ABCA10: variants seen among roughly 807,000 people sequenced by gnomAD.
The protein encoded by ABCA10 is ATP binding cassette subfamily A member 10.
In ABCA10, 169 loss-of-function variants were observed where a neutral mutation model predicts 187.5. The ratio of observed to expected loss-of-function variants is 0.90; its 90% CI spans 0.80 to 1.02. The LOEUF (loss-of-function observed/expected upper bound fraction) is 1.02. Ranked by LOEUF, ABCA10 falls within the 50% of genes least tolerant of loss-of-function variation. The pLI, the probability that ABCA10 is intolerant of heterozygous loss-of-function variation, is 0.00. For missense variants in ABCA10, 1,727 were observed against 1,812.4 expected (o/e 0.95, Z 0.86); for synonymous variants, 574 against 601.8 (o/e 0.95, Z 0.68).
chr17:69,154,199 A>C (rs752674370), intron 31 of ABCA10, 36 bp downstream of exon 31: 3 of 1,526,950 alleles, frequency 2.0e-6, no homozygotes, highest in Non-Finnish European at 2.7e-6. Flanking sequence ...GATGTCATCA[A>C]TATTTAAAAT....
At chr17:69,158,688 T>C (rs2074193065) in intron 27 of ABCA10, among the ~76,000 whole-genome samples, 1 of 152,068 alleles carries the variant, frequency 6.6e-6, no homozygotes, top group Non-Finnish European at 1.5e-5. Flanking sequence ...GGCACTTGAC[T>C]GCATTCTAAT....
intron 9 of ABCA10, among the ~76,000 whole-genome samples, chr17:69,213,246 C>G (rs1224187414): frequency 6.6e-6 from 1 of 152,132 alleles, no homozygotes; most frequent in Non-Finnish European, 1.5e-5. Flanking sequence ...GTTTCTCAGG[C>G]TATGGGTGGG....
intron 10 of ABCA10, among the ~76,000 whole-genome samples, chr17:69,198,181 T>C (rs768272804): frequency 2.0e-5 from 3 of 152,372 alleles, no homozygotes; most frequent in Non-Finnish European, 4.4e-5. Flanking sequence ...ATAAATCTAT[T>C]TGAATTTATC....
upstream of ABCA10, among the ~76,000 whole-genome samples, chr17:69,229,084 A>G (rs2074814257): frequency 6.6e-6 from 1 of 152,056 alleles, no homozygotes; most frequent in Non-Finnish European, 1.5e-5. Context: ...AGAAAGTTTC[A>G]TCTGAAAGTT....
At chr17:69,187,908 A>G in intron 18 of ABCA10, 29 bp from the exon 19 acceptor site, 2 of 1,593,488 alleles carry the variant, frequency 1.3e-6, no homozygotes, top group Non-Finnish European at 1.7e-6. Context: ...ACATTTTAAT[A>G]GGCTATGTTA....
At chr17:69,155,997 T>A in intron 28 of ABCA10, 72 bp from the exon 29 acceptor site, 1 of 1,449,768 alleles carries the variant, frequency 6.9e-7, no homozygotes, top group Non-Finnish European at 9.2e-7. Flanking sequence ...TAAACCCCTA[T>A]AATTAAATTA....
intron 1 of ABCA10, among the ~76,000 whole-genome samples, chr17:69,243,271 G>T (rs1398448340): frequency 6.6e-6 from 1 of 152,120 alleles, no homozygotes. Context: ...GTAACAACAG[G>T]GATATGTTCT....
chr17:69,187,780 T>C lies in ABCA10; in HGVS notation c.2231A>G (p.Lys744Arg). ...QVLCSLPETR[K>R]AVSSAALWRR... ...CCAGAGAGCTGCACTACTGACAGCC[T>C]TTCTTGTTTCAGGAAGAGAACAAAG... is the stretch of plus-strand genomic sequence containing the variant. The change falls in exon 19 of 39, where the codon AAG becomes AGG. Residue 744 changes from lysine to arginine, a missense_variant. Coordinates refer to ENST00000690296, the MANE Select transcript of ABCA10 (RefSeq NM_001377321.1). 1 of 1,613,956 alleles carries C rather than the reference T, an allele frequency of 6.2e-7. No homozygotes were observed. Among genetic ancestry groups the C allele is most frequent in the South Asian group, 1.1e-5 (1 of 91,072 alleles).
At chr17:69,228,383 C>T (rs1386857886) in intron 1 of ABCA10, among the ~76,000 whole-genome samples, 198 bp downstream of exon 1, 2 of 151,846 alleles carry the variant, frequency 1.3e-5, no homozygotes, top group Non-Finnish European at 2.9e-5. Context: ...AGCCATCTTT[C>T]ATTTATCACA....
chr17:69,228,145 A>G (rs996587988), intron 1 of ABCA10, among the ~76,000 whole-genome samples: 9 of 152,056 alleles, frequency 5.9e-5, no homozygotes, highest in Admixed American at 2.0e-4. Context: ...AAGTAGAAAC[A>G]TTAAAACACC....
intron 36 of ABCA10, 122 bp from the exon 37 acceptor site, chr17:69,150,185 A>G (rs1269222685): frequency 4.8e-6 from 3 of 620,402 alleles, no homozygotes; most frequent in African/African-American, 1.9e-5. Flanking sequence ...GATTTGATAT[A>G]GCATGAATCA....
intron 25 of ABCA10, among the ~76,000 whole-genome samples, chr17:69,172,266 AAT>A (rs2144776814): frequency 6.6e-6 from 1 of 152,240 alleles, no homozygotes; most frequent in East Asian, 1.9e-4. Context: ...GCCTCCCCAA[AAT>A]ATATATGTTT....
chr17:69,175,686 G>A (rs761722299), intron 22 of ABCA10, 173 bp from the exon 23 acceptor site: 92 of 492,228 alleles, frequency 1.9e-4, no homozygotes, highest in Non-Finnish European at 2.7e-4. Context: ...CCATTCCCAG[G>A]AACAGCATGA....
At chr17:69,165,600 C>T (rs1003611575) in intron 25 of ABCA10, among the ~76,000 whole-genome samples, 4 of 152,114 alleles carry the variant, frequency 2.6e-5, no homozygotes, top group Non-Finnish European at 5.9e-5. Context: ...TAAAGGGCAG[C>T]CCATATCCCC....
intron 3 of ABCA10, 125 bp downstream of exon 3, chr17:69,225,200 T>C (rs1195218849): frequency 2.2e-5 from 23 of 1,049,352 alleles, no homozygotes; most frequent in Non-Finnish European, 3.0e-5. Context: ...ACTGCATATA[T>C]AATGAGAATC....
chr17:69,219,444 AC>A, intron 6 of ABCA10, 100 bp downstream of exon 6: 1 of 751,050 alleles, frequency 1.3e-6, no homozygotes, highest in Admixed American at 3.0e-5. Context: ...TAAATTGAAT[AC>A]GTGCAAGAAA....
intron 25 of ABCA10, among the ~76,000 whole-genome samples, chr17:69,169,878 T>C (rs1341004226): frequency 6.6e-6 from 1 of 152,194 alleles, no homozygotes; most frequent in Non-Finnish European, 1.5e-5. Flanking sequence ...TTTATAAACA[T>C]TGTGTATACT....
rs560877552 is a variant in ABCA10 at position 69,175,290 on chromosome 17, T to C, written c.2877+116A>G. The C allele has an allele frequency of 2.7e-4, 216 of 805,610 alleles. No homozygotes were observed. The South Asian group carries it at 3.9e-3, about 15-fold the overall frequency. The allele number at this position is 805,610 out of a possible 1,614,324, so 49.9% of individuals were successfully genotyped here. A position where few individuals can be genotyped will look rare whatever the true frequency, so the allele number is the denominator to read the frequency against. ...AATCTATACTGATATTAGATTGTAA[T>C]GTATGTGTAAAAACATTAACCAAAG... On this transcript the variant is annotated intron_variant, in intron 23 of 38. Coordinates refer to ENST00000690296, the MANE Select transcript of ABCA10 (RefSeq NM_001377321.1).
chr17:69,231,285 G>A (rs984258727), upstream of ABCA10, among the ~76,000 whole-genome samples: 2 of 152,080 alleles, frequency 1.3e-5, no homozygotes, highest in African/African-American at 2.4e-5. Context: ...GCATTCTCCT[G>A]TGTATTTGTC....
Sources: allele counts gnomAD v4.1 joint callset (sites outside exome capture counted in the v4.1 genomes callset), GRCh38; gene constraint gnomAD v4.1.1; transcripts MANE v1.5; gene names NCBI Gene and HGNC (gene_info 2026-07-23, HGNC 2026-07-21).